The following OR5H6 variants were observed in gnomAD, a reference collection of about 807,000 sequenced individuals.
OR5H6 encodes the protein olfactory receptor family 5 subfamily H member 6, also known as olfactory receptor 5H6.
For synonymous variants in OR5H6, 151 were observed against 127.7 expected (o/e 1.18, Z -1.23); for missense variants, 429 against 358.1 (o/e 1.20, Z -1.60).
chr3:98,265,071 T>C lies in OR5H6; in HGVS notation c.739T>C (p.Ser247Pro). Residue 247 changes from serine to proline, a missense_variant, in exon 1 of 1, where the codon TCT becomes CCT. Ser to Pro is a moderately conservative substitution (Grantham distance 74, BLOSUM62 -1). Transcript: ENST00000615035. ...AVSTCGAHLL[S>P]VSLYYGPLTF... ...CTCCACCTGTGGGGCTCATCTCTTATCTGTATCTTTATACTATGGCCCCCT... is the reference window on the plus strand; with the variant it reads ...CTCCACCTGTGGGGCTCATCTCTTACCTGTATCTTTATACTATGGCCCCCT... 1 of 1,612,768 alleles carries C rather than the reference T, an allele frequency of 6.2e-7. No homozygotes were observed. The highest frequency in any genetic ancestry group is 8.5e-7 in the Non-Finnish European group (1 of 1,179,442).
Position 98,264,446 on chromosome 3 carries a change from C to T in OR5H6, c.114C>T (p.Thr38=), listed in dbSNP as rs776862815. The T allele has an allele frequency of 6.2e-7, 1 of 1,612,304 alleles. No homozygotes were observed. The highest frequency in any genetic ancestry group is 1.1e-5 in the South Asian group (1 of 91,034). The change falls in exon 1 of 1, where the codon ACC becomes ACT. Residue 38 remains threonine (T), a synonymous_variant. Transcript: ENST00000615035. Reference sequence around the variant, plus strand: ...CATTCTTGGTAATATATCTCATCACCATCATGGGGAATCTTGGTCTAATTG... The same window carrying T: ...CATTCTTGGTAATATATCTCATCACTATCATGGGGAATCTTGGTCTAATTG... ...FLAFLVIYLI[T]IMGNLGLIVL...
At position 98,265,009 on chromosome 3, in the gene OR5H6, TAG is replaced by T. The variant is rs1559839263; in HGVS notation, c.679_680del (p.Glu227LysfsTer42). On this transcript the variant is annotated frameshift_variant, in exon 1 of 1. Transcript: ENST00000615035. LOFTEE classifies it low-confidence loss of function (END_TRUNC). Reference sequence around the variant, plus strand: ...TATACAATTATCCTCTTTACAATCTTAGAAAAGAAGTCTATCAAAGGGATACG... The same window carrying T: ...TATACAATTATCCTCTTTACAATCTTAAAAGAAGTCTATCAAAGGGATACG... 1 of 1,612,976 alleles carries T rather than the reference TAG, an allele frequency of 6.2e-7. No homozygotes were observed. Among genetic ancestry groups the T allele is most frequent in the East Asian group, 2.2e-5 (1 of 44,852 alleles).
rs113206717 is a variant in OR5H6 at position 98,264,555 on chromosome 3, T to A, written c.223T>A (p.Ser75Thr). Residue 75 changes from serine to threonine, a missense_variant, in exon 1 of 1, where the codon TCC becomes ACC. Coordinates refer to ENST00000615035, the MANE Select transcript of OR5H6 (RefSeq NM_001005479.2). The stretch of plus-strand genomic sequence containing the variant: ...AGCCTTTGTGGATGCTTCGTTATCA[T>A]CCACAGTGACTCCGAAGATGCTGAT... Reference protein sequence around the residue: ...SLAFVDASLSSTVTPKMLINF... With the variant: ...SLAFVDASLSTTVTPKMLINF... The A allele has an allele frequency of 6.2e-7, 1 of 1,612,730 alleles. No homozygotes were observed. Among genetic ancestry groups the A allele is most frequent in the Admixed American group, 1.7e-5 (1 of 59,970 alleles).
In OR5H6 at chr3:98,265,098, A is replaced by G. The variant is rs9853906; in HGVS notation, c.766A>G (p.Thr256Ala). ...LSVSLYYGPL[T>A]FKYLGSASPQ... ...TGTATCTTTATACTATGGCCCCCTC[A>G]CCTTCAAATATCTGGGCTCTGCATC... The change falls in exon 1 of 1, where the codon ACC (threonine) becomes GCC (alanine). Residue 256 changes from threonine to alanine, a missense_variant. Coordinates refer to ENST00000615035, the MANE Select transcript of OR5H6 (RefSeq NM_001005479.2). 0.68 allele frequency: 1,093,586 copies of G among 1,611,098 alleles called. 372,642 individuals are homozygous for G. Among genetic ancestry groups the G allele is most frequent in the African/African-American group, 0.72 (54,249 of 74,880 alleles).
In OR5H6 at chr3:98,264,848, C is replaced by T. The variant is rs756019902; in HGVS notation, c.516C>T (p.Asn172=). The T allele has an allele frequency of 2.0e-5, 32 of 1,610,338 alleles. No individual in the cohort carries two copies. The highest frequency in any genetic ancestry group is 2.2e-5 in the East Asian group (1 of 44,850). Residue 172 remains asparagine (N), a synonymous_variant, in exon 1 of 1, where the codon AAC becomes AAT. Transcript: ENST00000615035. ...FSFRLTFCNS[N]IIQHFYCDII... is the part of the protein sequence containing the mutation. ...TCAGATTAACCTTCTGTAATTCCAACATAATACAACACTTTTACTGTGACA... is the reference window on the plus strand; with the variant it reads ...TCAGATTAACCTTCTGTAATTCCAATATAATACAACACTTTTACTGTGACA...
At position 98,264,374 on chromosome 3, in the gene OR5H6, C is replaced by T. The variant is rs773126423; in HGVS notation, c.42C>T (p.Leu14=). ...CAACATTGCTGACAGAGTTTGTTCTCACAGGATTTTTACATCAACCTGACT... is the reference window on the plus strand; with the variant it reads ...CAACATTGCTGACAGAGTTTGTTCTTACAGGATTTTTACATCAACCTGACT... ...ENATLLTEFV[L]TGFLHQPDCK... is the part of the protein sequence containing the mutation. The change falls in exon 1 of 1, where the codon CTC becomes CTT. Residue 14 remains leucine (L), a synonymous_variant. Transcript: ENST00000615035. 6.2e-7 allele frequency: 1 copy of T among 1,612,974 alleles called. No homozygotes were observed. Among genetic ancestry groups the T allele is most frequent in the African/African-American group, 1.3e-5 (1 of 74,834 alleles).
rs1705868996 is a variant in OR5H6 at position 98,265,003 on chromosome 3, C to T, written c.671C>T (p.Thr224Ile). 2.5e-6 allele frequency: 4 copies of T among 1,612,804 alleles called. No homozygotes were observed. Among genetic ancestry groups the T allele is most frequent in the Non-Finnish European group, 3.4e-6 (4 of 1,179,234 alleles). Residue 224 changes from threonine to isoleucine, a missense_variant, in exon 1 of 1, where the codon ACA becomes ATA. Coordinates refer to ENST00000615035, the MANE Select transcript of OR5H6 (RefSeq NM_001005479.2). ...ILISYTIILF[T>I]ILEKKSIKGI... ...ATATCTTATACAATTATCCTCTTTA[C>T]AATCTTAGAAAAGAAGTCTATCAAA...
rs1289917535 is a variant in OR5H6 at position 98,264,347 on chromosome 3, T to C, written c.15T>C (p.Asn5=). Residue 5 remains asparagine (N), a synonymous_variant, in exon 1 of 1, where the codon AAT becomes AAC. Transcript: ENST00000615035. MEEE[N]ATLLTEFVLT... is the part of the protein sequence containing the mutation. ...GCAGTGAGGAGATGGAAGAGGAAAA[T>C]GCAACATTGCTGACAGAGTTTGTTC... 3 of 1,612,994 alleles carry C rather than the reference T, an allele frequency of 1.9e-6. No individual in the cohort carries two copies. The highest frequency in any genetic ancestry group is 2.5e-6 in the Non-Finnish European group (3 of 1,179,220).
At position 98,264,611 on chromosome 3, in the gene OR5H6, T is replaced by G; in HGVS notation, c.279T>G (p.Ser93=). Residue 93 remains serine, a synonymous_variant, in exon 1 of 1, where the codon TCT becomes TCG. Coordinates refer to ENST00000615035, the MANE Select transcript of OR5H6 (RefSeq NM_001005479.2). Reference sequence around the variant, plus strand: ...TCTTAGCTAAGAGTAAGATGATATCTCTCTCTGAATGCATGGTACAATTTT... The same window carrying G: ...TCTTAGCTAAGAGTAAGATGATATCGCTCTCTGAATGCATGGTACAATTTT... The part of the protein sequence containing the change: ...INFLAKSKMI[S]LSECMVQFFS... 1 of 1,611,676 alleles carries G rather than the reference T, an allele frequency of 6.2e-7. No homozygotes were observed. Among genetic ancestry groups the G allele is most frequent in the Non-Finnish European group, 8.5e-7 (1 of 1,178,450 alleles).
rs763649160 is a variant in OR5H6 at position 98,265,075 on chromosome 3, T to C, written c.743T>C (p.Val248Ala). ...VSTCGAHLLS[V>A]SLYYGPLTFK... ...ACCTGTGGGGCTCATCTCTTATCTG[T>C]ATCTTTATACTATGGCCCCCTCACC... The change falls in exon 1 of 1, where the codon GTA (valine) becomes GCA (alanine). Residue 248 changes from valine (V) to alanine (A), a missense_variant. By Grantham distance (64) the Val-to-Ala change is moderately conservative. Transcript: ENST00000615035. 2 of 1,612,658 alleles carry C rather than the reference T, an allele frequency of 1.2e-6. No homozygotes were observed. Among genetic ancestry groups the C allele is most frequent in the African/African-American group, 1.3e-5 (1 of 74,864 alleles).
In OR5H6 at chr3:98,265,049, C is replaced by G; in HGVS notation, c.717C>G (p.Ser239=). 6.2e-7 allele frequency: 1 copy of G among 1,612,776 alleles called. No homozygotes were observed. The highest frequency in any genetic ancestry group is 8.5e-7 in the Non-Finnish European group (1 of 1,179,436). ...KSIKGIRKAV[S]TCGAHLLSVS... is the part of the protein sequence containing the mutation. ...TCAAAGGGATACGAAAAGCTGTCTC[C>G]ACCTGTGGGGCTCATCTCTTATCTG... is the stretch of plus-strand genomic sequence containing the variant. Residue 239 remains serine, a synonymous_variant, in exon 1 of 1, where the codon TCC becomes TCG. Transcript: ENST00000615035.
chr3:98,264,643 TTGTAACCAC>T lies in OR5H6; in HGVS notation c.321_329del (p.Val108_Thr110del), dbSNP rs74203917. The T allele has an allele frequency of 0.51, 825,710 of 1,609,176 alleles. 224,203 individuals are homozygous for T. Among genetic ancestry groups the T allele is most frequent in the Non-Finnish European group, 0.57 (667,840 of 1,175,810 alleles). On this transcript the variant is annotated inframe_deletion, in exon 1 of 1. Transcript: ENST00000615035. ...GAATGCATGGTACAATTTTTTTCCC[TTGTAACCAC>T]TGTAACCACAGAATGTTTTCTCTTG...
chr3:98,265,121 A>C lies in OR5H6; in HGVS notation c.789A>C (p.Ala263=), dbSNP rs1276484787. 3 of 1,613,196 alleles carry C rather than the reference A, an allele frequency of 1.9e-6. No homozygotes were observed. The highest frequency in any genetic ancestry group is 3.3e-5 in the Admixed American group (2 of 59,956). The change falls in exon 1 of 1, where the codon GCA becomes GCC. Residue 263 remains alanine (A), a synonymous_variant. Coordinates refer to ENST00000615035, the MANE Select transcript of OR5H6 (RefSeq NM_001005479.2). ...GPLTFKYLGS[A]SPQADDQDMM... is the part of the protein sequence containing the mutation. Reference sequence around the variant, plus strand: ...TCACCTTCAAATATCTGGGCTCTGCATCTCCGCAAGCAGATGACCAAGATA... The same window carrying C: ...TCACCTTCAAATATCTGGGCTCTGCCTCTCCGCAAGCAGATGACCAAGATA...
At position 98,264,430 on chromosome 3, in the gene OR5H6, T is replaced by C. The variant is rs1477680373; in HGVS notation, c.98T>C (p.Val33Ala). The change falls in exon 1 of 1, where the codon GTA becomes GCA. Residue 33 changes from valine to alanine, a missense_variant. Transcript: ENST00000615035. ...ATACCGCTCTTCCTGGCATTCTTGG[T>C]AATATATCTCATCACCATCATGGGG... is the stretch of plus-strand genomic sequence containing the variant. ...CKIPLFLAFL[V>A]IYLITIMGNL... 2.5e-6 allele frequency: 4 copies of C among 1,612,688 alleles called. No individual in the cohort carries two copies. In the African/African-American group the frequency reaches 5.3e-5, roughly 22 times the overall value.
At position 98,264,302 on chromosome 3, in the gene OR5H6, C is replaced by T. The variant is rs761952068; in HGVS notation, c.-31C>T. The T allele has an allele frequency of 9.3e-6, 15 of 1,610,466 alleles. No individual in the cohort carries two copies. In the Admixed American group the frequency reaches 2.3e-4, roughly 25 times the overall value. On this transcript the variant is annotated 5_prime_UTR_variant, in exon 1 of 1. Coordinates refer to ENST00000615035, the MANE Select transcript of OR5H6 (RefSeq NM_001005479.2). ...CATTGCAAATGTTCCTTTACCTTTGCTTCATTTTTCAGAGGACATGCAGTG... is the reference window on the plus strand; with the variant it reads ...CATTGCAAATGTTCCTTTACCTTTGTTTCATTTTTCAGAGGACATGCAGTG...
rs1312858360 is a variant in OR5H6, at chr3:98,264,969, A to T, written c.637A>T (p.Thr213Ser). Residue 213 changes from threonine to serine, a missense_variant, in exon 1 of 1, where the codon ACT (threonine) becomes TCT (serine). By Grantham distance (58) the Thr-to-Ser change is moderately conservative. Transcript: ENST00000615035. ...TTCTGTTCAAGTTTTTACCATTGGA[A>T]CTATTCTTATATCTTATACAATTAT... ...AGSVQVFTIG[T>S]ILISYTIILF... The T allele has an allele frequency of 1.9e-6, 3 of 1,609,134 alleles. No homozygotes were observed. The highest frequency in any genetic ancestry group is 1.1e-5 in the South Asian group (1 of 90,088).
In OR5H6 at chr3:98,264,465, C is replaced by T. The variant is rs73854590; in HGVS notation, c.133C>T (p.Leu45=). ...YLITIMGNLG[L]IVLIWKDPHL... ...CATCACCATCATGGGGAATCTTGGT[C>T]TAATTGTTCTCATCTGGAAAGACCC... is the stretch of plus-strand genomic sequence containing the variant. The change falls in exon 1 of 1, where the codon CTA becomes TTA. Residue 45 remains leucine (L), a synonymous_variant. Transcript: ENST00000615035. The T allele has an allele frequency of 6.6e-5, 107 of 1,612,396 alleles. No individual in the cohort carries two copies. The African/African-American group carries it at 1.2e-3, about 18-fold the overall frequency.
rs1705863257 is a variant in OR5H6 at position 98,264,850 on chromosome 3, T to C, written c.518T>C (p.Ile173Thr). Residue 173 changes from isoleucine (I) to threonine (T), a missense_variant, in exon 1 of 1, where the codon ATA becomes ACA. Ile to Thr is a moderately conservative substitution (Grantham distance 89). Coordinates refer to ENST00000615035, the MANE Select transcript of OR5H6 (RefSeq NM_001005479.2). ...SFRLTFCNSN[I>T]IQHFYCDIIP... ...AGATTAACCTTCTGTAATTCCAACATAATACAACACTTTTACTGTGACATT... is the reference window on the plus strand; with the variant it reads ...AGATTAACCTTCTGTAATTCCAACACAATACAACACTTTTACTGTGACATT... 6.2e-7 allele frequency: 1 copy of C among 1,610,706 alleles called. No individual in the cohort carries two copies. The highest frequency in any genetic ancestry group is 8.5e-7 in the Non-Finnish European group (1 of 1,178,412).
Position 98,265,143 on chromosome 3 carries a change from G to C in OR5H6, c.811G>C (p.Asp271His), listed in dbSNP as rs774037160. 6.2e-7 allele frequency: 1 copy of C among 1,613,202 alleles called. No homozygotes were observed. Among genetic ancestry groups the C allele is most frequent in the Non-Finnish European group, 8.5e-7 (1 of 1,179,414 alleles). ...GSASPQADDQ[D>H]MMESLFYTVI... is the part of the protein sequence containing the mutation. ...TGCATCTCCGCAAGCAGATGACCAA[G>C]ATATGATGGAGTCTCTATTTTACAC... is the stretch of plus-strand genomic sequence containing the variant. Residue 271 changes from aspartate to histidine, a missense_variant, in exon 1 of 1, where the codon GAT becomes CAT. By Grantham distance (81) the Asp-to-His change is moderately conservative (BLOSUM62 -1). Coordinates refer to ENST00000615035, the MANE Select transcript of OR5H6 (RefSeq NM_001005479.2).
Sources: gnomAD v4.1 joint callset for allele counts on GRCh38, gnomAD v4.1.1 for gene constraint, MANE v1.5 for transcripts, NCBI Gene and HGNC (gene_info 2026-07-23, HGNC 2026-07-21) for gene names.